The following SCN1A variants were observed in gnomAD, a reference collection of about 807,000 sequenced individuals.
SCN1A encodes the protein sodium voltage-gated channel alpha subunit 1, also known as sodium channel protein type 1 subunit alpha.
A neutral mutation model predicts 193.7 loss-of-function variants in SCN1A; 13 were observed. That is an observed-to-expected ratio of 0.07 (90% CI 0.04 to 0.11). SCN1A has a LOEUF of 0.11. Ranked by LOEUF, SCN1A falls within the 10% of genes least tolerant of loss-of-function variation. The pLI, the probability that SCN1A is intolerant of heterozygous loss-of-function variation, is 1.00. For synonymous variants in SCN1A, 781 were observed against 843.6 expected (o/e 0.93, Z 1.29); for missense variants, 1,432 against 2,451.1 (o/e 0.58, Z 8.78).
chr2:166,053,090 G>A, intron 7 of SCN1A, 147 bp from the exon 8 acceptor site: 1 of 1,364,876 alleles, frequency 7.3e-7, no homozygotes, highest in Non-Finnish European at 1.0e-6. Flanking sequence ...AAAGTGCGAA[G>A]AGCTGAAAAA....
intron 6 of SCN1A, among the ~76,000 whole-genome samples, chr2:166,055,151 T>A (rs1418695252): frequency 6.6e-6 from 1 of 151,370 alleles, no homozygotes; most frequent in Non-Finnish European, 1.5e-5. Flanking sequence ...TCAAGTTTAA[T>A]AGTGTTCTAA....
chr2:165,998,315 A>G (rs1690371949), intron 25 of SCN1A, 140 bp from the exon 26 acceptor site: 1 of 633,182 alleles, frequency 1.6e-6, no homozygotes, highest in East Asian at 2.9e-5. Context: ...AACTACCTCT[A>G]AAAAACATCC....
intron 27 of SCN1A, among the ~76,000 whole-genome samples, chr2:165,995,121 T>A (rs1689842822): frequency 6.6e-6 from 1 of 151,902 alleles, no homozygotes; most frequent in Non-Finnish European, 1.5e-5. Context: ...GAAGGCCATC[T>A]GCAGGCTTAT....
chr2:166,114,348 A>G (rs1040986105), intron 2 of SCN1A, among the ~76,000 whole-genome samples: 1 of 152,190 alleles, frequency 6.6e-6, no homozygotes, highest in Non-Finnish European at 1.5e-5. Flanking sequence ...ATGATGAGAG[A>G]AGGAGAGAGT....
chr2:166,141,366 G>A (rs1320302335), intron 1 of SCN1A, among the ~76,000 whole-genome samples: 3 of 151,190 alleles, frequency 2.0e-5, no homozygotes, highest in African/African-American at 2.4e-5. Flanking sequence ...TGAAATATAC[G>A]TGTTTTATAT....
At chr2:166,023,764 A>G (rs73022751) in intron 19 of SCN1A, among the ~76,000 whole-genome samples, 337 of 150,728 alleles carry the variant, frequency 2.2e-3, no homozygotes, top group African/African-American at 8.0e-3. Flanking sequence ...CTACTAAAAA[A>G]AAGAAAAAAA....
intron 27 of SCN1A, among the ~76,000 whole-genome samples, chr2:165,994,666 CAAACAAACAAACA>C (rs1161189162): frequency 6.6e-6 from 1 of 151,652 alleles, no homozygotes; most frequent in Admixed American, 6.6e-5. Context: ...AACAAACAAA[CAAACAAACAAACA>C]AAAGAAACAT....
At chr2:166,065,518 C>T (rs13397210) in intron 4 of SCN1A, among the ~76,000 whole-genome samples, 30,870 of 152,022 alleles carry the variant, frequency 0.2, 3,385 homozygotes, top group East Asian at 0.36. Context: ...CCAAGCTTTT[C>T]TTCCTTTTCT....
intron 17 of SCN1A, among the ~76,000 whole-genome samples, chr2:166,038,885 TG>T (rs796725524): frequency 5.9e-5 from 9 of 152,314 alleles, no homozygotes; most frequent in African/African-American, 2.2e-4. Flanking sequence ...TTGAAAAACT[TG>T]GAATATTTCC....
chr2:166,053,036 T>TA, intron 7 of SCN1A, 93 bp from the exon 8 acceptor site: 5 of 1,404,218 alleles, frequency 3.6e-6, no homozygotes, highest in Non-Finnish European at 5.1e-6. Context: ...AATCACTTCT[T>TA]ACCTGGAATT....
intron 2 of SCN1A, among the ~76,000 whole-genome samples, chr2:166,095,415 G>GT (rs1195424031): frequency 6.6e-6 from 1 of 152,128 alleles, no homozygotes; most frequent in African/African-American, 2.4e-5. Flanking sequence ...ACTGTGTCAA[G>GT]TTTTTTAGTA....
At chr2:166,132,895 T>A (rs189034974), upstream of SCN1A, among the ~76,000 whole-genome samples, 12 of 152,300 alleles carry the variant, frequency 7.9e-5, no homozygotes, top group East Asian at 2.1e-3. Flanking sequence ...GATGCACAGA[T>A]AACCAGTTTT....
chr2:166,089,692 T>C (rs1488797391), intron 2 of SCN1A, among the ~76,000 whole-genome samples: 4 of 152,080 alleles, frequency 2.6e-5, no homozygotes, highest in African/African-American at 9.7e-5. Context: ...GAAGAGACTA[T>C]ATAAAAAGAT....
chr2:166,055,192 G>GTT (rs5836077), intron 6 of SCN1A, among the ~76,000 whole-genome samples: 491 of 147,138 alleles, frequency 3.3e-3, no homozygotes, highest in East Asian at 9.4e-3. Context: ...ATTAGCACGT[G>GTT]TTTTTTTTTT....
intron 19 of SCN1A, chr2:166,027,347 A>T: frequency 6.6e-6 from 1 of 152,222 alleles, no homozygotes; most frequent in East Asian, 1.9e-4. Context: ...CAAGGCAAAG[A>T]AAACTTTCTT....
At chr2:166,143,306 A>G (rs1163643605) in intron 1 of SCN1A, among the ~76,000 whole-genome samples, 1 of 151,702 alleles carries the variant, frequency 6.6e-6, no homozygotes, top group Non-Finnish European at 1.5e-5. Flanking sequence ...AGCTGGGACT[A>G]CAGGCGCCTG....
rs1381519082 is a variant in SCN1A, at chr2:166,127,965, T to G, written c.-423A>C. ...ACACACAAACGCACACATACACACA[T>G]GCACCAGAGACCTCTGCAGTATCCT... On this transcript the variant is annotated 5_prime_UTR_variant, in exon 1 of 29. An upstream start codon of the reference 5' UTR is lost. Coordinates refer to ENST00000674923, the MANE Select transcript of SCN1A (RefSeq NM_001165963.4). 6.7e-6 allele frequency: 1 copy of G among 148,884 alleles called. No homozygotes were observed. The highest frequency in any genetic ancestry group is 1.5e-5 in the Non-Finnish European group (1 of 67,542). 9.2% of individuals were successfully genotyped at this position (148,884 alleles called of 1,614,324 possible). A position where few individuals can be genotyped will look rare whatever the true frequency, so the allele number is the denominator to read the frequency against.
chr2:166,138,348 G>A (rs1260427973), intron 1 of SCN1A, among the ~76,000 whole-genome samples: 1 of 152,190 alleles, frequency 6.6e-6, no homozygotes, highest in Admixed American at 6.5e-5. Flanking sequence ...CCCATCACAA[G>A]CCTGGAGGCC....
chr2:166,120,910 C>G (rs996518420), intron 2 of SCN1A, among the ~76,000 whole-genome samples: 3 of 151,850 alleles, frequency 2.0e-5, no homozygotes, highest in Non-Finnish European at 4.4e-5. Context: ...GCCACTGTAT[C>G]TGGCCTATGT....
Sources: gnomAD v4.1 joint callset for allele counts (sites outside exome capture counted in the v4.1 genomes callset) on GRCh38, gnomAD v4.1.1 for gene constraint, MANE v1.5 for transcripts, NCBI Gene and HGNC (gene_info 2026-07-23, HGNC 2026-07-21) for gene names.